Variants in CACNA2D1 observed in about 807,000 individuals in gnomAD.
The protein encoded by CACNA2D1 is voltage-dependent calcium channel subunit alpha-2/delta-1.
In CACNA2D1, 53 loss-of-function variants were observed where a neutral mutation model predicts 171.5. That is an observed-to-expected ratio of 0.31 (90% CI 0.25 to 0.39). The LOEUF is 0.39. Ranked by LOEUF, CACNA2D1 falls within the 10% of genes least tolerant of loss-of-function variation. The pLI is 1.00. For missense variants in CACNA2D1, 903 were observed against 1,299.8 expected, an observed-to-expected ratio of 0.69 and a Z score of 4.69; for synonymous variants, 442 against 443.1, an observed-to-expected ratio of 1.00 and a Z score of 0.03.
At chr7:82,291,519 T>C (rs1389465448) in intron 3 of CACNA2D1, among the ~76,000 whole-genome samples, 4 of 138,462 alleles carry the variant, frequency 2.9e-5, no homozygotes, top group East Asian at 2.0e-4. Flanking sequence ...GATCTATATA[T>C]AGATAGATCT....
At chr7:82,122,749 C>A (rs1237367027) in intron 5 of CACNA2D1, among the ~76,000 whole-genome samples, 1 of 152,264 alleles carries the variant, frequency 6.6e-6, no homozygotes, top group Non-Finnish European at 1.5e-5. Flanking sequence ...TTCAACATAG[C>A]ACTCCCCATG....
At chr7:82,143,605 GA>G (rs1792650836) in intron 4 of CACNA2D1, among the ~76,000 whole-genome samples, 1 of 152,052 alleles carries the variant, frequency 6.6e-6, no homozygotes, top group African/African-American at 2.4e-5. Flanking sequence ...TGATTTATAA[GA>G]AAGCCTAATG....
intron 3 of CACNA2D1, among the ~76,000 whole-genome samples, chr7:82,171,215 A>C (rs1795984252): frequency 6.6e-6 from 1 of 152,090 alleles, no homozygotes; most frequent in Admixed American, 6.6e-5. Context: ...AAGAATTATA[A>C]GCCAATTTAT....
rs968964985 is a variant in CACNA2D1, at chr7:82,280,724, C to G, written c.294+54411G>C. Among the ~76,000 whole-genome samples the G allele has an allele frequency of 2.0e-5, 3 of 151,896 alleles. No individual in the cohort carries two copies. In the South Asian group the frequency reaches 6.3e-4, roughly 32 times the overall value. ...AGAGACAGAGTTTTGCTTTGATGCC[C>G]AGGCTGGAATGCACTGGTATGATCA... On this transcript the variant is annotated intron_variant, in intron 3 of 38. Coordinates refer to ENST00000356860, the MANE Select transcript of CACNA2D1 (RefSeq NM_000722.4).
chr7:81,984,202 C>A (rs180678841), intron 22 of CACNA2D1, among the ~76,000 whole-genome samples: 1 of 151,882 alleles, frequency 6.6e-6, no homozygotes, highest in Non-Finnish European at 1.5e-5. Flanking sequence ...TTATTCTGGC[C>A]AAATGCAAAA....
chr7:82,284,117 G>A (rs1375883202), intron 3 of CACNA2D1, among the ~76,000 whole-genome samples: 1 of 151,326 alleles, frequency 6.6e-6, no homozygotes, highest in Non-Finnish European at 1.5e-5. Flanking sequence ...ATCACTTGAG[G>A]CAGGAGGTGG....
At chr7:82,416,380 T>C (rs1036612768) in intron 1 of CACNA2D1, among the ~76,000 whole-genome samples, 8 of 152,126 alleles carry the variant, frequency 5.3e-5, no homozygotes, top group African/African-American at 1.9e-4. Flanking sequence ...TAATGATGTC[T>C]GGATTCGTTT....
chr7:82,182,001 T>C (rs1245166485), intron 3 of CACNA2D1, among the ~76,000 whole-genome samples: 2 of 152,182 alleles, frequency 1.3e-5, no homozygotes, highest in Non-Finnish European at 2.9e-5. Flanking sequence ...CAAAATTTCA[T>C]TTTGTAATTG....
At chr7:82,290,886 G>A (rs1340439947) in intron 3 of CACNA2D1, among the ~76,000 whole-genome samples, 2 of 151,220 alleles carry the variant, frequency 1.3e-5, no homozygotes, top group South Asian at 2.1e-4. Flanking sequence ...GTGAGCCCCC[G>A]CACCCAGTGA....
intron 3 of CACNA2D1, among the ~76,000 whole-genome samples, chr7:82,262,178 C>A (rs1431085559): frequency 6.6e-6 from 1 of 151,970 alleles, no homozygotes; most frequent in Non-Finnish European, 1.5e-5. Context: ...AAAAATACAA[C>A]AAATTAGCCA....
At chr7:82,238,217 C>T (rs1393976126) in intron 3 of CACNA2D1, among the ~76,000 whole-genome samples, 1 of 152,002 alleles carries the variant, frequency 6.6e-6, no homozygotes, top group Non-Finnish European at 1.5e-5. Flanking sequence ...GTAACATACC[C>T]ACACTTTCTC....
In CACNA2D1 at chr7:82,337,827, A is replaced by G. The variant is rs116650368; in HGVS notation, c.178-2576T>C. Among the ~76,000 whole-genome samples, 1,199 of 152,246 alleles carry G rather than the reference A, an allele frequency of 7.9e-3. 20 individuals are homozygous for G. Among genetic ancestry groups the G allele is most frequent in the African/African-American group, 0.026 (1,090 of 41,564 alleles). ...TACACTCACATGCTTTAGTTTCCCT[A>G]AAGTTGAAGTTCTCCTGCTGCCACC... On this transcript the variant is annotated intron_variant, in intron 2 of 38. Transcript: ENST00000356860.
At chr7:82,308,816 C>A (rs961040163) in intron 3 of CACNA2D1, among the ~76,000 whole-genome samples, 1 of 152,184 alleles carries the variant, frequency 6.6e-6, no homozygotes, top group Non-Finnish European at 1.5e-5. Flanking sequence ...CATACAAGTT[C>A]TCTGTCTTTG....
intron 5 of CACNA2D1, among the ~76,000 whole-genome samples, chr7:82,123,598 C>T (rs922794282): frequency 4.6e-5 from 7 of 152,158 alleles, no homozygotes; most frequent in African/African-American, 1.7e-4. Flanking sequence ...CTCATAGGTG[C>T]CCACTGCCCA....
Position 82,354,189 on chromosome 7 carries a change from C to T in CACNA2D1, c.96-4540G>A, listed in dbSNP as rs148686487. Among the ~76,000 whole-genome samples the T allele has an allele frequency of 1.6e-3, 245 of 152,230 alleles. 1 individual carries two copies. The highest frequency in any genetic ancestry group is 5.6e-3 in the African/African-American group (233 of 41,554). ...CTGTCCATAAAAACATATAGTTTTC[C>T]ATAGGTCTTTGGGTCATTTTCTGAA... On this transcript the variant is annotated intron_variant, in intron 1 of 38. Transcript: ENST00000356860.
At chr7:82,143,658 C>T (rs1464974669) in intron 4 of CACNA2D1, among the ~76,000 whole-genome samples, 18 of 152,102 alleles carry the variant, frequency 1.2e-4, no homozygotes, top group Non-Finnish European at 1.9e-4. Flanking sequence ...TATACGCATC[C>T]TGTCCACCAA....
chr7:82,329,000 T>C (rs948040041), intron 3 of CACNA2D1, among the ~76,000 whole-genome samples: 1 of 152,164 alleles, frequency 6.6e-6, no homozygotes, highest in African/African-American at 2.4e-5. Flanking sequence ...TAATTTTTCT[T>C]GAGTTTCTTT....
intron 5 of CACNA2D1, among the ~76,000 whole-genome samples, chr7:82,134,059 C>G (rs994995670): frequency 6.7e-6 from 1 of 149,796 alleles, no homozygotes; most frequent in Non-Finnish European, 1.5e-5. Context: ...GGCGACAGAG[C>G]GAGAGTCTGT....
intron 4 of CACNA2D1, among the ~76,000 whole-genome samples, chr7:82,150,936 T>C (rs186180921): frequency 1.5e-4 from 23 of 152,282 alleles, no homozygotes; most frequent in African/African-American, 5.5e-4. Context: ...AAATTTCTAA[T>C]AGCTTATGTT....
Sources: allele counts gnomAD v4.1 joint callset (sites outside exome capture counted in the v4.1 genomes callset), GRCh38; gene constraint gnomAD v4.1.1; transcripts MANE v1.5; gene names NCBI Gene and HGNC (gene_info 2026-07-23, HGNC 2026-07-21).